BACH2: variants seen among roughly 807,000 people sequenced by gnomAD.
BACH2 encodes transcription regulator protein BACH2.
Under a neutral mutation model 61.8 loss-of-function variants are expected in BACH2, and 5 were observed. The observed-to-expected ratio is 0.08, with a 90% CI of 0.04 to 0.17. The LOEUF is 0.17. Among genes scored for constraint, BACH2 ranks in the 10% least tolerant of loss-of-function variants. The pLI, the probability that BACH2 is intolerant of heterozygous loss-of-function variation, is 1.00. For missense variants in BACH2, 824 were observed against 1,091.1 expected (o/e 0.76, Z 3.45); for synonymous variants, 446 against 440.1 (o/e 1.01, Z -0.17).
intron 3 of BACH2, among the ~76,000 whole-genome samples, chr6:90,208,893 G>T (rs1453138534): frequency 6.6e-6 from 1 of 152,166 alleles, no homozygotes; most frequent in Non-Finnish European, 1.5e-5. Context: ...ATGAGTTCAT[G>T]TCCTTTGCAG....
chr6:90,168,534 A>G (rs554911406), intron 4 of BACH2, among the ~76,000 whole-genome samples: 2 of 152,320 alleles, frequency 1.3e-5, no homozygotes, highest in South Asian at 2.1e-4. Context: ...GTGGTTGTAT[A>G]TAGGGGAAGG....
intron 7 of BACH2, 131 bp from the exon 8 acceptor site, chr6:89,938,481 A>G: frequency 2.8e-6 from 2 of 710,554 alleles, no homozygotes; most frequent in South Asian, 3.8e-5. Flanking sequence ...GCAAGCAGTG[A>G]TTACTTATTT....
intron 5 of BACH2, among the ~76,000 whole-genome samples, chr6:90,010,444 T>C (rs1777647654): frequency 6.6e-6 from 1 of 152,266 alleles, no homozygotes; most frequent in Non-Finnish European, 1.5e-5. Context: ...TGTTCCTTTA[T>C]TACTTAGCAT....
chr6:90,031,497 TCAG>T lies in BACH2; in HGVS notation c.-12-22644_-12-22642del, dbSNP rs544834206. Reference sequence around the variant, plus strand: ...AATCTCCTTAAGCTGATAGGCAACTTCAGCAAAGTCTCAGGATACAAAATCAAT... The same window carrying T: ...AATCTCCTTAAGCTGATAGGCAACTTCAAAGTCTCAGGATACAAAATCAAT... On this transcript the variant is annotated intron_variant, in intron 5 of 8. Coordinates refer to ENST00000257749, the MANE Select transcript of BACH2 (RefSeq NM_021813.4). Among the ~76,000 whole-genome samples, 775 of 152,270 alleles carry T rather than the reference TCAG, an allele frequency of 5.1e-3. 6 individuals carry two copies. Among genetic ancestry groups the T allele is most frequent in the African/African-American group, 0.018 (733 of 41,544 alleles).
chr6:90,236,074 A>C (rs1378155436), intron 3 of BACH2, among the ~76,000 whole-genome samples: 1 of 152,254 alleles, frequency 6.6e-6, no homozygotes, highest in Non-Finnish European at 1.5e-5. Flanking sequence ...GAAATCTGTT[A>C]ATTGCAGCTC....
At chr6:90,202,291 A>C (rs1425559304) in intron 4 of BACH2, among the ~76,000 whole-genome samples, 1 of 152,226 alleles carries the variant, frequency 6.6e-6, no homozygotes, top group Non-Finnish European at 1.5e-5. Context: ...CAATGAAAGA[A>C]AAACTCCAAA....
intron 4 of BACH2, among the ~76,000 whole-genome samples, chr6:90,195,590 A>G (rs1270216169): frequency 6.6e-6 from 1 of 152,336 alleles, no homozygotes; most frequent in East Asian, 1.9e-4. Flanking sequence ...AAGTGTAACA[A>G]TCAGCGCACT....
chr6:90,010,065 CCTA>C (rs1777625376), intron 5 of BACH2, among the ~76,000 whole-genome samples: 1 of 152,150 alleles, frequency 6.6e-6, no homozygotes, highest in South Asian at 2.1e-4. Context: ...AGTAGCGAGT[CCTA>C]CTTTCTTTTT....
chr6:90,018,126 T>G (rs1218772850), intron 5 of BACH2, among the ~76,000 whole-genome samples: 1 of 152,214 alleles, frequency 6.6e-6, no homozygotes, highest in African/African-American at 2.4e-5. Context: ...TGGTAGGAAA[T>G]GATGTTATTC....
chr6:89,980,971 C>T (rs574278237), intron 6 of BACH2, among the ~76,000 whole-genome samples: 16 of 151,000 alleles, frequency 1.1e-4, no homozygotes, highest in Non-Finnish European at 1.8e-4. Context: ...CACAAAGAGA[C>T]GTTTGAATTA....
At chr6:90,086,609 G>C (rs1315975795) in intron 5 of BACH2, among the ~76,000 whole-genome samples, 3 of 152,094 alleles carry the variant, frequency 2.0e-5, no homozygotes, top group Non-Finnish European at 2.9e-5. Flanking sequence ...AGTGATCCAG[G>C]CAGGTCCTGC....
chr6:90,188,390 T>C (rs977867233), intron 4 of BACH2, among the ~76,000 whole-genome samples: 1 of 152,188 alleles, frequency 6.6e-6, no homozygotes, highest in Non-Finnish European at 1.5e-5. Context: ...TCTGTGATAG[T>C]TTCAGTTTCA....
intron 2 of BACH2, among the ~76,000 whole-genome samples, chr6:90,252,996 G>A (rs1416924366): frequency 6.6e-6 from 1 of 152,198 alleles, no homozygotes; most frequent in Non-Finnish European, 1.5e-5. Context: ...TATAATCCCA[G>A]CACTTTGGGA....
chr6:90,123,541 C>A (rs886327268), intron 4 of BACH2, among the ~76,000 whole-genome samples: 4 of 151,542 alleles, frequency 2.6e-5, no homozygotes, highest in African/African-American at 7.3e-5. Flanking sequence ...GAGGCCGAGG[C>A]GGGCGGATCA....
intron 4 of BACH2, among the ~76,000 whole-genome samples, chr6:90,162,391 C>A (rs930759816): frequency 1.3e-5 from 2 of 152,106 alleles, no homozygotes; most frequent in African/African-American, 2.4e-5. Flanking sequence ...GTAATCCTAG[C>A]GCTTTGGGAG....
chr6:90,138,470 G>A (rs958850326), intron 4 of BACH2, among the ~76,000 whole-genome samples: 1 of 152,098 alleles, frequency 6.6e-6, no homozygotes, highest in Non-Finnish European at 1.5e-5. Flanking sequence ...TTGCACTCCA[G>A]CCTGGGTGAC....
Position 89,930,463 on chromosome 6 carries a change from T to C in BACH2, c.*1945A>G, listed in dbSNP as rs968299697. On this transcript the variant is annotated 3_prime_UTR_variant, in exon 9 of 9. Transcript: ENST00000257749. ...AAATAAAGAAACAAAGTCAACCATCTATTCCCCACTGCCCACCACCCCATC... is the reference window on the plus strand; with the variant it reads ...AAATAAAGAAACAAAGTCAACCATCCATTCCCCACTGCCCACCACCCCATC... The C allele has an allele frequency of 1.3e-5, 2 of 152,752 alleles. No individual in the cohort carries two copies. The highest frequency in any genetic ancestry group is 2.9e-5 in the Non-Finnish European group (2 of 68,058). 9.5% of individuals were successfully genotyped at this position (152,752 alleles called of 1,614,324 possible). A position where few individuals can be genotyped will look rare whatever the true frequency, so the allele number is the denominator to read the frequency against.
Position 90,053,276 on chromosome 6 carries a change from C to T in BACH2, c.-13+35685G>A, listed in dbSNP as rs531474499. 1.3e-4 allele frequency among the ~76,000 whole-genome samples: 20 copies of T among 151,950 alleles called. No homozygotes were observed. In the East Asian group the frequency reaches 2.5e-3, roughly 19 times the overall value. ...TCTCTTTTCTTCTTTCTGAAGTATA[C>T]GCTTTTTTTTTCTTTTATTTAGAGA... is the stretch of plus-strand genomic sequence containing the variant. On this transcript the variant is annotated intron_variant, in intron 5 of 8. Coordinates refer to ENST00000257749, the MANE Select transcript of BACH2 (RefSeq NM_021813.4).
chr6:90,052,709 C>T (rs1780110370), intron 5 of BACH2, among the ~76,000 whole-genome samples: 1 of 152,242 alleles, frequency 6.6e-6, no homozygotes, highest in African/African-American at 2.4e-5. Context: ...GCATGAGCCA[C>T]CACACCCAGC....
Sources: allele counts gnomAD v4.1 joint callset (sites outside exome capture counted in the v4.1 genomes callset), GRCh38; gene constraint gnomAD v4.1.1; transcripts MANE v1.5; gene names NCBI Gene and HGNC (gene_info 2026-07-23, HGNC 2026-07-21).